GATD1: variants seen among roughly 807,000 people sequenced by gnomAD.
GATD1 encodes the protein glutamine amidotransferase-like class 1 domain-containing protein 1.
Under a neutral mutation model 25.9 loss-of-function variants are expected in GATD1, and 23 were observed. The ratio of observed to expected loss-of-function variants is 0.89; its 90% CI spans 0.64 to 1.26. The LOEUF (loss-of-function observed/expected upper bound fraction) is 1.26. GATD1 is among the 50% of genes most tolerant of loss of function. The probability of loss-of-function intolerance (pLI) is 0.00; values close to 1 mark genes in which losing one functional copy is unlikely to be tolerated. For synonymous variants in GATD1, 177 were observed against 134.6 expected, an observed-to-expected ratio of 1.31 and a Z score of -2.18; for missense variants, 347 against 312.5, an observed-to-expected ratio of 1.11 and a Z score of -0.83.
Position 770,330 on chromosome 11 carries a change from C to T in GATD1, c.*567G>A, listed in dbSNP as rs1189587295. 6.5e-7 allele frequency: 1 copy of T among 1,534,428 alleles called. No homozygotes were observed. The highest frequency in any genetic ancestry group is 8.7e-7 in the Non-Finnish European group (1 of 1,146,032). ...GGTGCTTACACTTTGAAACCACACG[C>T]CAGGAAGATTTCTTCAACAGGAAAG... is the stretch of plus-strand genomic sequence containing the variant. On this transcript the variant is annotated 3_prime_UTR_variant, in exon 8 of 8. Coordinates refer to ENST00000319863, the MANE Select transcript of GATD1 (RefSeq NM_182612.4).
rs1018269075 is a variant in GATD1, at chr11:777,484, C to T, written c.-22G>A. 8 of 1,204,380 alleles carry T rather than the reference C, an allele frequency of 6.6e-6. No homozygotes were observed. The African/African-American group carries it at 8.0e-5, about 12-fold the overall frequency. The allele number at this position is 1,204,380 out of a possible 1,614,324, so 74.6% of individuals were successfully genotyped here. ...CCATGGCTCGGGCTCGGCGCTGGGT[C>T]TGCGCGTGCGCGGCGTCTGGGCGCG... On this transcript the variant is annotated 5_prime_UTR_variant, in exon 1 of 8. Transcript: ENST00000319863.
At chr11:772,049 T>C (rs1396596180) in intron 5 of GATD1, among the ~76,000 whole-genome samples, 1 of 152,198 alleles carries the variant, frequency 6.6e-6, no homozygotes, top group Non-Finnish European at 1.5e-5. Flanking sequence ...ACAAAGGCTG[T>C]GTCTCCGAGG....
In GATD1 at chr11:777,280, C is replaced by T. The variant is rs896689768; in HGVS notation, c.64+119G>A. On this transcript the variant is annotated intron_variant, in intron 1 of 7. Transcript: ENST00000319863. ...CCTCCCCCGGCCCCTGCCCGGCGCC[C>T]CCAGCGGCCTCGGCCTCCGGCGCCA... 1.2e-5 allele frequency: 9 copies of T among 779,532 alleles called. No homozygotes were observed. In the East Asian group the frequency reaches 2.7e-4, roughly 23 times the overall value. The allele number at this position is 779,532 out of a possible 1,614,324, so 48.3% of individuals were successfully genotyped here.
intron 1 of GATD1, 79 bp from the exon 2 acceptor site, chr11:775,221 G>C (rs1863844966): frequency 8.3e-7 from 1 of 1,204,858 alleles, no homozygotes; most frequent in East Asian, 2.6e-5. Flanking sequence ...CACCCCCATG[G>C]CCTCGACTGA....
intron 2 of GATD1, among the ~76,000 whole-genome samples, chr11:774,652 G>GA (rs1863784837): frequency 6.6e-6 from 1 of 152,232 alleles, no homozygotes; most frequent in Admixed American, 6.5e-5. Context: ...CCAACACGGT[G>GA]AAAACCCATC....
chr11:767,495 C>T lies in GATD1; in HGVS notation c.*3402G>A, dbSNP rs911901282. The T allele has an allele frequency of 5.2e-5, 75 of 1,430,494 alleles. No individual in the cohort carries two copies. Among genetic ancestry groups the T allele is most frequent in the Middle Eastern group, 2.5e-4 (1 of 3,956 alleles). 88.6% of individuals were successfully genotyped at this position (1,430,494 alleles called of 1,614,324 possible). On this transcript the variant is annotated 3_prime_UTR_variant, in exon 8 of 8. Transcript: ENST00000319863. ...GCGGAGACAGGTCTGTGGGGCCCCGCGTCAGAACCCACTTCACATCCCAAA... is the reference window on the plus strand; with the variant it reads ...GCGGAGACAGGTCTGTGGGGCCCCGTGTCAGAACCCACTTCACATCCCAAA...
chr11:773,296 A>G, intron 4 of GATD1: 1 of 481,854 alleles, frequency 2.1e-6, no homozygotes, highest in Non-Finnish European at 3.7e-6. Flanking sequence ...CACCCTCGGG[A>G]GCCCACCCAG....
chr11:769,196 G>A lies in GATD1; in HGVS notation c.*1701C>T. On this transcript the variant is annotated 3_prime_UTR_variant, in exon 8 of 8. Coordinates refer to ENST00000319863, the MANE Select transcript of GATD1 (RefSeq NM_182612.4). ...GGGACAGAGCAAGGCCCCGTGGCCA[G>A]TGCTAAGTGGGCATCCTGACTAATC... The A allele has an allele frequency of 1.0e-6, 1 of 985,522 alleles. No homozygotes were observed. Among genetic ancestry groups the A allele is most frequent in the Non-Finnish European group, 1.2e-6 (1 of 829,960 alleles). 61.0% of individuals were successfully genotyped at this position (985,522 alleles called of 1,614,324 possible). A position where few individuals can be genotyped will look rare whatever the true frequency, so the allele number is the denominator to read the frequency against.
rs1259537468 is a variant in GATD1, at chr11:770,548, ACT to A, written c.*347_*348del. ...ACCCACACAGAGGACCCCCGAGCCG[ACT>A]CTGTCTAGTCAACAGTGACCACACG... is the stretch of plus-strand genomic sequence containing the variant. On this transcript the variant is annotated 3_prime_UTR_variant, in exon 8 of 8. Transcript: ENST00000319863. 5 of 1,409,942 alleles carry A rather than the reference ACT, an allele frequency of 3.5e-6. No individual in the cohort carries two copies. Among genetic ancestry groups the A allele is most frequent in the Middle Eastern group, 2.6e-4 (1 of 3,822 alleles). 87.3% of individuals were successfully genotyped at this position (1,409,942 alleles called of 1,614,324 possible). A position where few individuals can be genotyped will look rare whatever the true frequency, so the allele number is the denominator to read the frequency against.
intron 5 of GATD1, among the ~76,000 whole-genome samples, chr11:772,099 G>T (rs1332017135): frequency 6.6e-6 from 1 of 152,184 alleles, no homozygotes; most frequent in Admixed American, 6.5e-5. Context: ...GACTGCACAC[G>T]CAAGTCTGAT....
chr11:769,278 T>G lies in GATD1; in HGVS notation c.*1619A>C. The G allele has an allele frequency of 1.0e-6, 1 of 985,386 alleles. No homozygotes were observed. The highest frequency in any genetic ancestry group is 1.2e-6 in the Non-Finnish European group (1 of 829,934). 61.0% of individuals were successfully genotyped at this position (985,386 alleles called of 1,614,324 possible). On this transcript the variant is annotated 3_prime_UTR_variant, in exon 8 of 8. Coordinates refer to ENST00000319863, the MANE Select transcript of GATD1 (RefSeq NM_182612.4). ...GCGGGGATGTGGCTGCAGCGCTTCC[T>G]TCTTCCACTTTTTTCCAAATTCTCC...
rs1863686972 is a variant in GATD1 at position 773,760 on chromosome 11, T to C, written c.248-131A>G. On this transcript the variant is annotated intron_variant, in intron 3 of 7. Coordinates refer to ENST00000319863, the MANE Select transcript of GATD1 (RefSeq NM_182612.4). ...CAGCCTGGTGATGTCATCTGTCCCTTTTCCTCCATGGGCTACAGCTCCCAA... is the reference window on the plus strand; with the variant it reads ...CAGCCTGGTGATGTCATCTGTCCCTCTTCCTCCATGGGCTACAGCTCCCAA... 3 of 734,638 alleles carry C rather than the reference T, an allele frequency of 4.1e-6. No homozygotes were observed. In the Admixed American group the frequency reaches 8.5e-5, roughly 21 times the overall value. 45.5% of individuals were successfully genotyped at this position (734,638 alleles called of 1,614,324 possible).
chr11:769,989 G>C lies in GATD1; in HGVS notation c.*908C>G, dbSNP rs1863291961. The C allele has an allele frequency of 1.9e-6, 2 of 1,038,422 alleles. No homozygotes were observed. The highest frequency in any genetic ancestry group is 9.2e-5 in the South Asian group (2 of 21,816). 64.3% of individuals were successfully genotyped at this position (1,038,422 alleles called of 1,614,324 possible). ...CACCAGGAGCCACGCTGGTGCTTGG[G>C]AACGGCTGTGGCTGAGACGGGGAGG... is the stretch of plus-strand genomic sequence containing the variant. On this transcript the variant is annotated 3_prime_UTR_variant, in exon 8 of 8. Coordinates refer to ENST00000319863, the MANE Select transcript of GATD1 (RefSeq NM_182612.4).
chr11:770,699 G>A lies in GATD1; in HGVS notation c.*198C>T. On this transcript the variant is annotated 3_prime_UTR_variant, in exon 8 of 8. Coordinates refer to ENST00000319863, the MANE Select transcript of GATD1 (RefSeq NM_182612.4). The stretch of plus-strand genomic sequence containing the variant: ...CCTACCAGAGAACATGCAGGAGGAT[G>A]GGGGTTTGGACCCTCCAGGAGAGCC... The A allele has an allele frequency of 7.0e-7, 1 of 1,435,272 alleles. No homozygotes were observed. The highest frequency in any genetic ancestry group is 9.1e-7 in the Non-Finnish European group (1 of 1,098,956). The allele number at this position is 1,435,272 out of a possible 1,614,324, so 88.9% of individuals were successfully genotyped here. A position where few individuals can be genotyped will look rare whatever the true frequency, so the allele number is the denominator to read the frequency against.
intron 5 of GATD1, 90 bp from the exon 6 acceptor site, chr11:771,516 T>A: frequency 6.9e-7 from 1 of 1,442,166 alleles, no homozygotes; most frequent in South Asian, 1.5e-5. Flanking sequence ...GCAGGGAGCC[T>A]CACCCAACCA....
At chr11:772,912 T>C (rs965114985) in intron 4 of GATD1, among the ~76,000 whole-genome samples, 2 of 152,208 alleles carry the variant, frequency 1.3e-5, no homozygotes, top group African/African-American at 4.8e-5. Context: ...AGGACGCCCC[T>C]GGGCAGGTGG....
chr11:775,973 A>ATT (rs1863922946), intron 1 of GATD1, among the ~76,000 whole-genome samples: 1 of 68,474 alleles, frequency 1.5e-5, no homozygotes, highest in African/African-American at 5.5e-5. Flanking sequence ...TTTTATCTTC[A>ATT]TTCTTTTTTT....
intron 1 of GATD1, among the ~76,000 whole-genome samples, chr11:775,795 ACAC>A (rs1023176033): frequency 1.3e-5 from 2 of 151,772 alleles, no homozygotes; most frequent in African/African-American, 4.8e-5. Flanking sequence ...GAAACTCAAC[ACAC>A]CACACCCAAT....
intron 1 of GATD1, among the ~76,000 whole-genome samples, chr11:775,950 C>A (rs1217401059): frequency 1.3e-5 from 2 of 149,564 alleles, no homozygotes; most frequent in Non-Finnish European, 3.0e-5. Flanking sequence ...GGGGCCCAAT[C>A]CCTCAGCTTC....
Sources: gnomAD v4.1 joint callset for allele counts (sites outside exome capture counted in the v4.1 genomes callset) on GRCh38, gnomAD v4.1.1 for gene constraint, MANE v1.5 for transcripts, NCBI Gene and HGNC (gene_info 2026-07-23, HGNC 2026-07-21) for gene names.